FRA10AC1: variants seen among roughly 807,000 people sequenced by gnomAD.
The protein encoded by FRA10AC1 is protein FRA10AC1.
Under a neutral mutation model 56.5 loss-of-function variants are expected in FRA10AC1, and 43 were observed. The ratio of observed to expected loss-of-function variants is 0.76; its 90% CI spans 0.60 to 0.98. The LOEUF (loss-of-function observed/expected upper bound fraction) is 0.98, where lower values mean the gene tolerates loss of function less well. Among genes scored for constraint, FRA10AC1 ranks in the 50% least tolerant of loss-of-function variants. The pLI is 0.00. For missense variants in FRA10AC1, 346 were observed against 351.8 expected, an observed-to-expected ratio of 0.98 and a Z score of 0.13; for synonymous variants, 112 against 110.5, an observed-to-expected ratio of 1.01 and a Z score of -0.09.
intron 1 of FRA10AC1, among the ~76,000 whole-genome samples, chr10:93,702,108 G>A (rs1228272352): frequency 6.6e-6 from 1 of 151,486 alleles, no homozygotes; most frequent in Non-Finnish European, 1.5e-5. Flanking sequence ...TTCTTTATTC[G>A]CTGGCCGCTC....
intron 4 of FRA10AC1, among the ~76,000 whole-genome samples, chr10:93,696,237 T>G (rs112590271): frequency 6.6e-6 from 1 of 152,204 alleles, no homozygotes; most frequent in Non-Finnish European, 1.5e-5. Context: ...TTTTGTCTCA[T>G]GTATCCTAGA....
chr10:93,687,740 T>C (rs2059056187), intron 7 of FRA10AC1: 1 of 215,276 alleles, frequency 4.6e-6, no homozygotes, highest in African/African-American at 2.3e-5. Context: ...AAAAAGAGGT[T>C]ATGGTATAGT....
intron 12 of FRA10AC1, chr10:93,673,232 C>G (rs535891082): frequency 1.2e-5 from 5 of 433,734 alleles, no homozygotes; most frequent in African/African-American, 8.2e-5. Flanking sequence ...TCTGCCAACC[C>G]AGAGTCATAA....
At chr10:93,696,536 G>GACA (rs1314255763) in intron 4 of FRA10AC1, among the ~76,000 whole-genome samples, 1 of 152,202 alleles carries the variant, frequency 6.6e-6, no homozygotes, top group African/African-American at 2.4e-5. Context: ...CATTATTGAA[G>GACA]ACAATGTGGC....
intron 2 of FRA10AC1, among the ~76,000 whole-genome samples, 174 bp from the exon 3 acceptor site, chr10:93,698,570 A>C (rs1440971724): frequency 8.2e-6 from 1 of 121,632 alleles, no homozygotes; most frequent in Non-Finnish European, 2.0e-5. Flanking sequence ...TAATACCTTA[A>C]CATTATTTTA....
At chr10:93,677,161 A>G (rs2133900622) in intron 11 of FRA10AC1, among the ~76,000 whole-genome samples, 1 of 152,314 alleles carries the variant, frequency 6.6e-6, no homozygotes, top group East Asian at 1.9e-4. Context: ...CATAAAACAA[A>G]AATTCTCAGC....
At chr10:93,691,164 T>C (rs1213422673) in intron 7 of FRA10AC1, among the ~76,000 whole-genome samples, 3 of 152,178 alleles carry the variant, frequency 2.0e-5, no homozygotes. Flanking sequence ...TATAATTTGA[T>C]GTTTGAGATA....
intron 12 of FRA10AC1, chr10:93,671,202 C>T (rs1025934685): frequency 5.3e-6 from 1 of 187,494 alleles, no homozygotes; most frequent in South Asian, 1.1e-4. Context: ...ACAGAAGACA[C>T]GCAAGTTAAG....
At chr10:93,672,121 C>A in intron 12 of FRA10AC1, 2 of 432,392 alleles carry the variant, frequency 4.6e-6, no homozygotes, top group Non-Finnish European at 9.1e-6. Flanking sequence ...TGTGGCCTGT[C>A]AATACAGAAT....
chr10:93,687,468 C>T lies in FRA10AC1; in HGVS notation c.466-19G>A. 1 of 1,482,586 alleles carries T rather than the reference C, an allele frequency of 6.7e-7. No homozygotes were observed. Among genetic ancestry groups the T allele is most frequent in the Non-Finnish European group, 9.1e-7 (1 of 1,098,682 alleles). 91.8% of individuals were successfully genotyped at this position (1,482,586 alleles called of 1,614,324 possible). A position where few individuals can be genotyped will look rare whatever the true frequency, so the allele number is the denominator to read the frequency against. On this transcript the variant is annotated intron_variant, in intron 7 of 13. Transcript: ENST00000359204. ...ATCCAAACTGATAATAAAAAAATTA[C>T]ATTTATGCCAATGTAAATTTAAATT... is the stretch of plus-strand genomic sequence containing the variant.
chr10:93,702,528 G>A lies in FRA10AC1; in HGVS notation c.-154C>T, dbSNP rs112008187. 4.1e-3 allele frequency: 750 copies of A among 182,468 alleles called. 6 individuals carry two copies. The highest frequency in any genetic ancestry group is 0.02 in the African/African-American group (660 of 32,626). The allele number at this position is 182,468 out of a possible 1,614,324, so 11.3% of individuals were successfully genotyped here. The stretch of plus-strand genomic sequence containing the variant: ...CAGCCTCGCCACAACCACCACCGCC[G>A]CCGCCGCCGCCGCCGCCGCCCGCAA... On this transcript the variant is annotated 5_prime_UTR_variant, in exon 1 of 14. Transcript: ENST00000359204.
rs2058709027 is a variant in FRA10AC1 at position 93,668,163 on chromosome 10, T to C, written c.*1663A>G. ...ACCAAATTACTCATTTTGCAGTTTA[T>C]TGCCAATCATTCCGTGTTTAAATGT... On this transcript the variant is annotated 3_prime_UTR_variant, in exon 14 of 14. Coordinates refer to ENST00000359204, the MANE Select transcript of FRA10AC1 (RefSeq NM_145246.5). The C allele has an allele frequency of 6.6e-6, 1 of 152,224 alleles. No homozygotes were observed. The highest frequency in any genetic ancestry group is 6.5e-5 in the Admixed American group (1 of 15,276). 9.4% of individuals were successfully genotyped at this position (152,224 alleles called of 1,614,324 possible). A position where few individuals can be genotyped will look rare whatever the true frequency, so the allele number is the denominator to read the frequency against.
At chr10:93,684,181 T>G in intron 9 of FRA10AC1, 83 bp from the exon 10 acceptor site, 2 of 978,354 alleles carry the variant, frequency 2.0e-6, no homozygotes, top group Middle Eastern at 2.2e-4. Flanking sequence ...ATTCGCACTT[T>G]CTTTATATTC....
intron 11 of FRA10AC1, among the ~76,000 whole-genome samples, chr10:93,680,504 AT>A (rs1021104966): frequency 2.2e-4 from 33 of 152,168 alleles, no homozygotes; most frequent in African/African-American, 7.5e-4. Flanking sequence ...GGGCACACAG[AT>A]TTAAACTCTG....
intron 7 of FRA10AC1, among the ~76,000 whole-genome samples, chr10:93,688,271 T>C (rs1248989211): frequency 6.6e-6 from 1 of 152,118 alleles, no homozygotes; most frequent in Non-Finnish European, 1.5e-5. Context: ...ACTACATATA[T>C]ATGATTTCAA....
At chr10:93,669,899 A>G in intron 13 of FRA10AC1, 31 bp from the exon 14 acceptor site, 1 of 1,261,282 alleles carries the variant, frequency 7.9e-7, no homozygotes, top group Admixed American at 2.1e-5. Flanking sequence ...ACTTAAGATC[A>G]ATAGAGTAAA....
At chr10:93,691,477 A>G (rs968104842) in intron 7 of FRA10AC1, among the ~76,000 whole-genome samples, 22 of 152,174 alleles carry the variant, frequency 1.4e-4, no homozygotes, top group Non-Finnish European at 3.2e-4. Context: ...ACGCCCAACC[A>G]AAAATAAAAA....
chr10:93,693,645 CAT>C (rs1209941579), intron 5 of FRA10AC1, among the ~76,000 whole-genome samples: 85 of 123,982 alleles, frequency 6.9e-4, no homozygotes, highest in African/African-American at 2.3e-3. Flanking sequence ...ATATACACAC[CAT>C]ATATATATAC....
chr10:93,669,448 G>C lies in FRA10AC1; in HGVS notation c.*378C>G, dbSNP rs1309860291. The C allele has an allele frequency of 6.3e-6, 1 of 158,398 alleles. No homozygotes were observed. Among genetic ancestry groups the C allele is most frequent in the Non-Finnish European group, 1.4e-5 (1 of 72,732 alleles). 9.8% of individuals were successfully genotyped at this position (158,398 alleles called of 1,614,324 possible). A position where few individuals can be genotyped will look rare whatever the true frequency, so the allele number is the denominator to read the frequency against. ...AAAACAAACAAATCCAGTATTGGTG[G>C]CTCTAAAAAAGAGAAAAAGAAGAAA... On this transcript the variant is annotated 3_prime_UTR_variant, in exon 14 of 14. Transcript: ENST00000359204.
Sources: gnomAD v4.1 joint callset for allele counts (sites outside exome capture counted in the v4.1 genomes callset) on GRCh38, gnomAD v4.1.1 for gene constraint, MANE v1.5 for transcripts, NCBI Gene and HGNC (gene_info 2026-07-23, HGNC 2026-07-21) for gene names.